PPP1R10: variants seen among roughly 807,000 people sequenced by gnomAD.
PPP1R10 encodes serine/threonine-protein phosphatase 1 regulatory subunit 10.
PPP1R10 carries 15 observed loss-of-function variants against 99.0 expected under a neutral mutation model. The observed-to-expected ratio is 0.15, with a 90% CI of 0.10 to 0.23. The LOEUF (loss-of-function observed/expected upper bound fraction) is 0.23, where lower values mean the gene tolerates loss of function less well. Among genes scored for constraint, PPP1R10 ranks in the 10% least tolerant of loss-of-function variants. PPP1R10 has a pLI of 1.00. For missense variants in PPP1R10, 947 were observed against 1,259.4 expected (o/e 0.75, Z 3.75); for synonymous variants, 430 against 449.5 (o/e 0.96, Z 0.55).
chr6:30,604,573 C>T lies in PPP1R10; in HGVS notation c.1102+15G>A. The T allele has an allele frequency of 6.2e-7, 1 of 1,612,840 alleles. No homozygotes were observed. The highest frequency in any genetic ancestry group is 1.1e-5 in the South Asian group (1 of 91,062). On this transcript the variant is annotated intron_variant, in intron 12 of 19. Transcript: ENST00000376511. This position sits in a 1 kb window ranked among gnomAD's most constrained non-coding sequence, Gnocchi z 7.3. ...TTTCAGAAAACCCCCCAAACTGAAC[C>T]AGTTTCTAGATTACCTGTATCCATG... is the stretch of plus-strand genomic sequence containing the variant.
rs1026043133 is a variant in PPP1R10, at chr6:30,601,612, G to A, written c.2760C>T (p.Asn920=). The A allele has an allele frequency of 1.2e-6, 2 of 1,614,040 alleles. No homozygotes were observed. The highest frequency in any genetic ancestry group is 1.7e-5 in the Admixed American group (1 of 59,998). The change falls in exon 20 of 20, where the codon AAC becomes AAT. Residue 920 remains asparagine, a synonymous_variant. Coordinates refer to ENST00000376511, the MANE Select transcript of PPP1R10 (RefSeq NM_002714.4). The part of the protein sequence containing the change: ...PVCRHFMMKG[N]CRYENNCAFY... ...AGGCACAGTTGTTCTCATAGCGGCA[G>A]TTGCCCTTCATCATGAAATGTCGGC... is the stretch of plus-strand genomic sequence containing the variant.
At position 30,606,053 on chromosome 6, in the gene PPP1R10, G is replaced by A. The variant is rs1179141622; in HGVS notation, c.741-18C>T. The A allele has an allele frequency of 1.9e-6, 3 of 1,613,254 alleles. No homozygotes were observed. Among genetic ancestry groups the A allele is most frequent in the Non-Finnish European group, 2.5e-6 (3 of 1,179,292 alleles). On this transcript the variant is annotated intron_variant, in intron 9 of 19. Coordinates refer to ENST00000376511, the MANE Select transcript of PPP1R10 (RefSeq NM_002714.4). This position sits in a 1 kb window ranked among gnomAD's most constrained non-coding sequence, Gnocchi z 6.3. ...CTACGTTGCTGTCAGAAGAGGAACT[G>A]TCATCAACATCTCCGACTCACCCCC... is the stretch of plus-strand genomic sequence containing the variant.
rs1349714111 is a variant in PPP1R10, at chr6:30,606,320, A to T, written c.635-77T>A. On this transcript the variant is annotated intron_variant, in intron 8 of 19. Transcript: ENST00000376511. The surrounding 1 kb of genome is among the most constrained non-coding windows in gnomAD (Gnocchi z 6.3). ...AATTTTCCTCCCGTTCTCACCCGCA[A>T]ATGTTCTTCTAGCCTTGTAACCAAA... The T allele has an allele frequency of 1.9e-6, 3 of 1,577,554 alleles. No homozygotes were observed. Among genetic ancestry groups the T allele is most frequent in the Non-Finnish European group, 2.6e-6 (3 of 1,154,152 alleles).
chr6:30,613,021 G>C (rs1804714668), intron 2 of PPP1R10, among the ~76,000 whole-genome samples: 1 of 152,140 alleles, frequency 6.6e-6, no homozygotes, highest in South Asian at 2.1e-4. Context: ...GGGGAGTGAG[G>C]TAGCAACCCC....
At chr6:30,607,405 C>G (rs1197433107) in intron 6 of PPP1R10, among the ~76,000 whole-genome samples, 3 of 152,198 alleles carry the variant, frequency 2.0e-5, no homozygotes, top group African/African-American at 7.2e-5. Flanking sequence ...TACTTTGTAA[C>G]TCTTTCCTTT....
At chr6:30,607,050 C>T (rs1379101225) in intron 6 of PPP1R10, among the ~76,000 whole-genome samples, 194 bp from the exon 7 acceptor site, 1 of 152,192 alleles carries the variant, frequency 6.6e-6, no homozygotes, top group East Asian at 1.9e-4. Context: ...GAGTTGTGTT[C>T]TACTTGGATA....
In PPP1R10 at chr6:30,602,708, A is replaced by AAG; in HGVS notation, c.1958-19_1958-18dup. The AAG allele has an allele frequency of 4.4e-6, 7 of 1,604,600 alleles. No homozygotes were observed. The highest frequency in any genetic ancestry group is 5.9e-6 in the Non-Finnish European group (7 of 1,176,684). ...CATGGGGACCTGTAAGGGGACAAAAAAGAGAGACAGTATCAGCTACCAGGA... is the reference window on the plus strand; with the variant it reads ...CATGGGGACCTGTAAGGGGACAAAAAAGAGAGAGACAGTATCAGCTACCAGGA... On this transcript the variant is annotated splice_polypyrimidine_tract_variant and intron_variant, in intron 18 of 19. Coordinates refer to ENST00000376511, the MANE Select transcript of PPP1R10 (RefSeq NM_002714.4). This position sits in a 1 kb window ranked among gnomAD's most constrained non-coding sequence, Gnocchi z 6.7.
At chr6:30,613,726 T>C (rs542063485) in intron 2 of PPP1R10, among the ~76,000 whole-genome samples, 62 of 152,200 alleles carry the variant, frequency 4.1e-4, no homozygotes, top group Non-Finnish European at 8.4e-4. Flanking sequence ...CTAGTAGACC[T>C]GGCTTCCCAT....
Position 30,602,940 on chromosome 6 carries a change from G to C in PPP1R10, c.1863C>G (p.Gly621=). The change falls in exon 18 of 20, where the codon GGC becomes GGG. Residue 621 remains glycine (G), a synonymous_variant. Transcript: ENST00000376511. This position sits in a 1 kb window ranked among gnomAD's most constrained non-coding sequence, Gnocchi z 6.7. ...GGAAACCATTGGCTATTGGGCCAGGGCCTAGGAGTCCATGTGGCACTGTTA... is the reference window on the plus strand; with the variant it reads ...GGAAACCATTGGCTATTGGGCCAGGCCCTAGGAGTCCATGTGGCACTGTTA... The part of the protein sequence containing the change: ...KQMLVPHGLL[G]PGPIANGFPP... 1 of 1,551,654 alleles carries C rather than the reference G, an allele frequency of 6.4e-7. No homozygotes were observed. The highest frequency in any genetic ancestry group is 1.2e-5 in the South Asian group (1 of 84,236).
chr6:30,614,982 C>T (rs1314844099), intron 2 of PPP1R10, among the ~76,000 whole-genome samples: 2 of 152,126 alleles, frequency 1.3e-5, no homozygotes, highest in Admixed American at 6.5e-5. Flanking sequence ...AGTGCAAAAG[C>T]ATCTGCTCAG....
chr6:30,602,797 A>T lies in PPP1R10; in HGVS notation c.1957+49T>A. On this transcript the variant is annotated intron_variant, in intron 18 of 19. Coordinates refer to ENST00000376511, the MANE Select transcript of PPP1R10 (RefSeq NM_002714.4). This position sits in a 1 kb window ranked among gnomAD's most constrained non-coding sequence, Gnocchi z 6.7. ...CCAGTCAATCCTATACTATTATCAG[A>T]CTGAAATTAAGCAGATAAGCCCATT... The T allele has an allele frequency of 1.3e-6, 2 of 1,546,254 alleles. No homozygotes were observed. Among genetic ancestry groups the T allele is most frequent in the Non-Finnish European group, 1.8e-6 (2 of 1,139,744 alleles).
At chr6:30,601,910 A>AT in intron 19 of PPP1R10, 26 bp downstream of exon 19, 9 of 1,487,708 alleles carry the variant, frequency 6.0e-6, no homozygotes, top group Non-Finnish European at 8.0e-6. Flanking sequence ...ACCAAAAGGC[A>AT]TATGGGGGAC....
intron 19 of PPP1R10, 35 bp downstream of exon 19, chr6:30,601,901 C>T: frequency 6.8e-7 from 1 of 1,475,978 alleles, no homozygotes; most frequent in Admixed American, 2.6e-5. Flanking sequence ...TATGGGACAA[C>T]CAAAAGGCAT....
chr6:30,612,289 A>C (rs1804641119), intron 2 of PPP1R10, among the ~76,000 whole-genome samples: 1 of 152,226 alleles, frequency 6.6e-6, no homozygotes, highest in Non-Finnish European at 1.5e-5. Flanking sequence ...ACTACAAGCT[A>C]AGCCAATAAA....
chr6:30,609,966 A>C lies in PPP1R10; in HGVS notation c.-11-11T>G. 6.3e-7 allele frequency: 1 copy of C among 1,584,304 alleles called. No homozygotes were observed. Among genetic ancestry groups the C allele is most frequent in the Non-Finnish European group, 8.7e-7 (1 of 1,152,800 alleles). ...CCATGATGGTGGTTTCTATGGTAAG[A>C]GGACAAAACAAACAAACCCACAGAA... On this transcript the variant is annotated splice_polypyrimidine_tract_variant and intron_variant, in intron 2 of 19. Transcript: ENST00000376511. The surrounding 1 kb of genome is among the most constrained non-coding windows in gnomAD (Gnocchi z 4.5).
chr6:30,616,230 T>C (rs1465155310), intron 2 of PPP1R10, among the ~76,000 whole-genome samples: 4 of 152,194 alleles, frequency 2.6e-5, no homozygotes, highest in Non-Finnish European at 4.4e-5. Flanking sequence ...AAATCCTCAC[T>C]TGCTGGCCCT....
At chr6:30,617,201 G>C (rs1292449141) in intron 1 of PPP1R10, 23 bp downstream of exon 1, 1 of 153,206 alleles carries the variant, frequency 6.5e-6, no homozygotes, top group Non-Finnish European at 1.5e-5. Flanking sequence ...TTACCCACTA[G>C]ACGACAAAGT....
rs1804302735 is a variant in PPP1R10 at position 30,609,282 on chromosome 6, G to C, written c.108-119C>G. The C allele has an allele frequency of 3.5e-6, 3 of 858,370 alleles. No homozygotes were observed. Among genetic ancestry groups the C allele is most frequent in the Non-Finnish European group, 3.8e-6 (2 of 531,394 alleles). 53.2% of individuals were successfully genotyped at this position (858,370 alleles called of 1,614,324 possible). The stretch of plus-strand genomic sequence containing the variant: ...GACTTGGGACTTTGCTCCAGAGAAG[G>C]GGAGTCACATATACCTCTAGGAAGA... On this transcript the variant is annotated intron_variant, in intron 3 of 19. Coordinates refer to ENST00000376511, the MANE Select transcript of PPP1R10 (RefSeq NM_002714.4). This position sits in a 1 kb window ranked among gnomAD's most constrained non-coding sequence, Gnocchi z 4.5.
chr6:30,607,725 AG>A, intron 6 of PPP1R10, 114 bp downstream of exon 6: 1 of 1,146,518 alleles, frequency 8.7e-7, no homozygotes, highest in South Asian at 1.4e-5. Flanking sequence ...AAAAAAAGCA[AG>A]GTGAGGTAGA....
Sources: allele counts gnomAD v4.1 joint callset (sites outside exome capture counted in the v4.1 genomes callset), GRCh38; gene constraint gnomAD v4.1.1; non-coding constraint Gnocchi (gnomAD v3.1); transcripts MANE v1.5; gene names NCBI Gene and HGNC (gene_info 2026-07-23, HGNC 2026-07-21).